Variants in LRFN5 observed in about 807,000 individuals in gnomAD.
The protein encoded by LRFN5 is leucine rich repeat and fibronectin type III domain containing 5.
Under a neutral mutation model 45.6 loss-of-function variants are expected in LRFN5, and 24 were observed. That is an observed-to-expected ratio of 0.53 (90% CI 0.38 to 0.74). LRFN5 has a LOEUF of 0.74. Among genes scored for constraint, LRFN5 ranks in the 30% least tolerant of loss-of-function variants. LRFN5 has a pLI of 0.00. For missense variants in LRFN5, 776 were observed against 861.5 expected (o/e 0.90, Z 1.24); for synonymous variants, 340 against 313.8 (o/e 1.08, Z -0.88).
intron 1 of LRFN5, among the ~76,000 whole-genome samples, chr14:41,756,131 A>C (rs2138856252): frequency 6.6e-6 from 1 of 152,260 alleles, no homozygotes; most frequent in South Asian, 2.1e-4. Context: ...CTGCCGAGAG[A>C]TCAGCTGTTA....
chr14:41,784,516 T>G (rs1442697222), intron 2 of LRFN5, among the ~76,000 whole-genome samples: 1 of 152,114 alleles, frequency 6.6e-6, no homozygotes. Context: ...TGAAATTTCC[T>G]TTATTGTAGG....
chr14:41,775,093 C>CTTTCTTT (rs1555316712), intron 2 of LRFN5, among the ~76,000 whole-genome samples: 1 of 112,492 alleles, frequency 8.9e-6, no homozygotes, highest in East Asian at 3.4e-4. Context: ...TTTTCTTTTT[C>CTTTCTTT]TTTTTTTTTT....
intron 2 of LRFN5, among the ~76,000 whole-genome samples, chr14:41,793,002 G>A (rs192397180): frequency 1.4e-5 from 2 of 139,250 alleles, no homozygotes; most frequent in African/African-American, 2.7e-5. Context: ...CTGTTGTGGG[G>A]TTGGGGGAGG....
chr14:41,677,326 A>G (rs1365952079), intron 1 of LRFN5, among the ~76,000 whole-genome samples: 2 of 152,286 alleles, frequency 1.3e-5, no homozygotes, highest in Middle Eastern at 3.4e-3. Flanking sequence ...TTTTAAAGAA[A>G]GACAATTATA....
intron 2 of LRFN5, among the ~76,000 whole-genome samples, chr14:41,818,593 G>C (rs904319802): frequency 6.6e-6 from 1 of 151,936 alleles, no homozygotes; most frequent in Non-Finnish European, 1.5e-5. Context: ...TAAGTAGTAT[G>C]TGGGCTAATT....
chr14:41,855,076 C>T (rs778306167), intron 2 of LRFN5, among the ~76,000 whole-genome samples: 2 of 152,160 alleles, frequency 1.3e-5, no homozygotes, highest in African/African-American at 4.8e-5. Context: ...GAGGAAAACA[C>T]ATTTCAGTGG....
intron 4 of LRFN5, chr14:41,892,802 T>C (rs1890827926): frequency 1.0e-6 from 1 of 985,246 alleles, no homozygotes. Context: ...TTATGAAAAC[T>C]CTAATCAGTT....
chr14:41,853,051 C>T (rs905761569), intron 2 of LRFN5, among the ~76,000 whole-genome samples: 53 of 152,036 alleles, frequency 3.5e-4, no homozygotes, highest in African/African-American at 1.1e-3. Context: ...AAGAAAGACA[C>T]GGAACTCGTA....
chr14:41,803,638 T>C (rs1056655781), intron 2 of LRFN5, among the ~76,000 whole-genome samples: 1 of 152,086 alleles, frequency 6.6e-6, no homozygotes, highest in Non-Finnish European at 1.5e-5. Context: ...TGAGCCACCA[T>C]ACCTAGCCCA....
chr14:41,758,845 T>C (rs1885527589), intron 1 of LRFN5, among the ~76,000 whole-genome samples: 2 of 152,224 alleles, frequency 1.3e-5, no homozygotes. Context: ...AATTTTCCTT[T>C]TTAAAATATT....
At position 41,888,004 on chromosome 14, in the gene LRFN5, T is replaced by C. The variant is rs1183968210; in HGVS notation, c.1379T>C (p.Val460Ala). 2 of 1,586,190 alleles carry C rather than the reference T, an allele frequency of 1.3e-6. No individual in the cohort carries two copies. Among genetic ancestry groups the C allele is most frequent in the Non-Finnish European group, 1.7e-6 (2 of 1,166,548 alleles). Residue 460 changes from valine (V) to alanine (A), a missense_variant, in exon 3 of 6, where the codon GTT becomes GCT. By Grantham distance (64) the Val-to-Ala change is moderately conservative. Transcript: ENST00000298119. ...AATGGTACTTATGATGACACCCTTG[T>C]TTACAGGTAAGAAAAATTGAGCAAA... is the stretch of plus-strand genomic sequence containing the variant. ...QYNGTYDDTL[V>A]YRMIPPTSKT...
Position 41,620,662 on chromosome 14 carries a change from T to G in LRFN5, c.-197+12100T>G, listed in dbSNP as rs187353788. On this transcript the variant is annotated intron_variant, in intron 1 of 5. Transcript: ENST00000298119. Reference sequence around the variant, plus strand: ...AATATTGTTTAAATAGCTATGTGAGTATATGACTATCGCACTTATTATTCT... The same window carrying G: ...AATATTGTTTAAATAGCTATGTGAGGATATGACTATCGCACTTATTATTCT... Among the ~76,000 whole-genome samples, 1,381 of 152,192 alleles carry G rather than the reference T, an allele frequency of 9.1e-3. 6 individuals are homozygous for G. The highest frequency in any genetic ancestry group is 0.014 in the East Asian group (75 of 5,188).
intron 1 of LRFN5, among the ~76,000 whole-genome samples, chr14:41,666,628 T>A (rs1249372139): frequency 1.3e-5 from 2 of 152,186 alleles, no homozygotes; most frequent in African/African-American, 2.4e-5. Context: ...AAACATTTTA[T>A]ACTTGGATTT....
chr14:41,773,344 G>T (rs1359158901), intron 2 of LRFN5, among the ~76,000 whole-genome samples: 1 of 151,952 alleles, frequency 6.6e-6, no homozygotes, highest in Non-Finnish European at 1.5e-5. Context: ...AACCAGATAT[G>T]TTCTTTCTAT....
intron 2 of LRFN5, among the ~76,000 whole-genome samples, chr14:41,798,867 C>T (rs1053279825): frequency 1.3e-5 from 2 of 152,002 alleles, no homozygotes; most frequent in African/African-American, 4.8e-5. Context: ...TCCATATACT[C>T]ATTTTTGTCT....
chr14:41,886,997 T>C lies in LRFN5; in HGVS notation c.372T>C (p.Asn124=), dbSNP rs1461039454. ...ATGATATGTTCAGTGGTCTTTCCAA[T>C]CTTCATCATTTGATACTGAACAACA... The part of the protein sequence containing the change: ...ITNDMFSGLS[N]LHHLILNNNQ... The change falls in exon 3 of 6, where the codon AAT becomes AAC. Residue 124 remains asparagine (N), a synonymous_variant. Coordinates refer to ENST00000298119, the MANE Select transcript of LRFN5 (RefSeq NM_152447.5). 2 of 1,614,062 alleles carry C rather than the reference T, an allele frequency of 1.2e-6. No individual in the cohort carries two copies. Among genetic ancestry groups the C allele is most frequent in the Admixed American group, 1.7e-5 (1 of 59,996 alleles).
At chr14:41,771,612 A>G (rs559615149) in intron 2 of LRFN5, among the ~76,000 whole-genome samples, 15 of 152,088 alleles carry the variant, frequency 9.9e-5, no homozygotes, top group Non-Finnish European at 1.8e-4. Flanking sequence ...ACCTGGATGC[A>G]GTACAGCCGA....
chr14:41,894,123 G>T, intron 4 of LRFN5: 1 of 983,966 alleles, frequency 1.0e-6, no homozygotes, highest in Non-Finnish European at 1.2e-6. Flanking sequence ...ACAAAAGCTT[G>T]CAAGACTTAA....
intron 1 of LRFN5, among the ~76,000 whole-genome samples, chr14:41,636,201 G>A (rs893852093): frequency 3.3e-5 from 5 of 152,088 alleles, no homozygotes; most frequent in African/African-American, 4.8e-5. Context: ...CAATGAGACT[G>A]GTTAAAAGGC....
Sources: gnomAD v4.1 joint callset for allele counts (sites outside exome capture counted in the v4.1 genomes callset) on GRCh38, gnomAD v4.1.1 for gene constraint, MANE v1.5 for transcripts, NCBI Gene and HGNC (gene_info 2026-07-23, HGNC 2026-07-21) for gene names.